ANAPC1: variants seen among roughly 807,000 people sequenced by gnomAD.
The protein encoded by ANAPC1 is anaphase-promoting complex subunit 1.
In ANAPC1, 36 loss-of-function variants were observed where a neutral mutation model predicts 208.0. That is an observed-to-expected ratio of 0.17 (90% confidence interval 0.13 to 0.23). The LOEUF is 0.23. Ranked by LOEUF, ANAPC1 falls within the 10% of genes least tolerant of loss-of-function variation. The probability of loss-of-function intolerance (pLI) is 1.00; values close to 1 mark genes in which losing one functional copy is unlikely to be tolerated. For missense variants in ANAPC1, 942 were observed against 2,011.6 expected (o/e 0.47, Z 10.17); for synonymous variants, 378 against 695.2 (o/e 0.54, Z 7.18).
intron 5 of ANAPC1, chr2:111,872,930 T>G: frequency 1.8e-6 from 1 of 548,546 alleles, no homozygotes; most frequent in South Asian, 2.4e-5. Flanking sequence ...AATGTGAAAT[T>G]CCTGCCACTG....
intron 18 of ANAPC1, among the ~76,000 whole-genome samples, chr2:111,836,452 G>A (rs909023878): frequency 3.3e-5 from 5 of 150,380 alleles, no homozygotes; most frequent in Admixed American, 1.3e-4. Context: ...ACCAGCCTGG[G>A]CAACATATTA....
chr2:111,789,032 G>T (rs1469185337), intron 38 of ANAPC1, among the ~76,000 whole-genome samples: 5 of 152,252 alleles, frequency 3.3e-5, no homozygotes, highest in Non-Finnish European at 7.3e-5. Flanking sequence ...CAGCTACTTG[G>T]AAGGCTGAGG....
intron 6 of ANAPC1, among the ~76,000 whole-genome samples, chr2:111,869,018 G>C (rs566521248): frequency 5.3e-5 from 8 of 152,162 alleles, no homozygotes; most frequent in African/African-American, 1.7e-4. Context: ...ATTCATAGGG[G>C]GCAAGATAAA....
chr2:111,783,683 T>A (rs1238489257), intron 42 of ANAPC1, among the ~76,000 whole-genome samples: 2 of 152,274 alleles, frequency 1.3e-5, no homozygotes, highest in Non-Finnish European at 2.9e-5. Flanking sequence ...AATAAATATT[T>A]AGGGTTGGAG....
At chr2:111,819,896 C>T (rs1314618266) in intron 26 of ANAPC1, among the ~76,000 whole-genome samples, 10 of 152,278 alleles carry the variant, frequency 6.6e-5, no homozygotes, top group East Asian at 3.9e-4. Flanking sequence ...GGAACACAAC[C>T]GCAACATTAA....
intron 1 of ANAPC1, among the ~76,000 whole-genome samples, chr2:111,882,894 G>C (rs565146987): frequency 2.0e-5 from 3 of 151,386 alleles, no homozygotes; most frequent in Non-Finnish European, 2.9e-5. Context: ...GGGGCAGGGC[G>C]TGGTGGCTCA....
chr2:111,855,851 CATT>C lies in ANAPC1; in HGVS notation c.1515+760_1515+762del, dbSNP rs567359321. ...GTACTGGGTAGATGAATATTCACTT[CATT>C]ATTATTATTCAAATTGTATGTATTT... On this transcript the variant is annotated intron_variant, in intron 13 of 47. Coordinates refer to ENST00000341068, the MANE Select transcript of ANAPC1 (RefSeq NM_022662.4). Among the ~76,000 whole-genome samples, 125 of 152,162 alleles carry C rather than the reference CATT, an allele frequency of 8.2e-4. 1 individual carries two copies. The highest frequency in any genetic ancestry group is 2.9e-3 in the African/African-American group (120 of 41,518).
intron 39 of ANAPC1, among the ~76,000 whole-genome samples, chr2:111,785,748 G>T: frequency 6.6e-6 from 1 of 152,106 alleles, no homozygotes; most frequent in Admixed American, 6.6e-5. Context: ...ATCATAACAT[G>T]AAAATATTTA....
At chr2:111,835,884 AC>A (rs1216707603) in intron 18 of ANAPC1, among the ~76,000 whole-genome samples, 4 of 152,128 alleles carry the variant, frequency 2.6e-5, no homozygotes, top group Non-Finnish European at 5.9e-5. Context: ...AAATTGGATA[AC>A]TAAAATAAAA....
At chr2:111,819,963 A>G (rs1209322778) in intron 26 of ANAPC1, among the ~76,000 whole-genome samples, 1 of 152,008 alleles carries the variant, frequency 6.6e-6, no homozygotes, top group Non-Finnish European at 1.5e-5. Context: ...GAATTTTTTT[A>G]GAGGAAATCT....
At chr2:111,854,224 T>C (rs1029970119) in intron 13 of ANAPC1, among the ~76,000 whole-genome samples, 1 of 152,162 alleles carries the variant, frequency 6.6e-6, no homozygotes, top group Non-Finnish European at 1.5e-5. Context: ...GCACTGTCAA[T>C]GAGCGGTAAT....
intron 38 of ANAPC1, among the ~76,000 whole-genome samples, chr2:111,790,075 G>C (rs1251699835): frequency 2.0e-5 from 3 of 152,286 alleles, no homozygotes; most frequent in African/African-American, 7.2e-5. Flanking sequence ...CCAATGGTAA[G>C]CTCAGTCTTA....
chr2:111,798,254 A>T (rs2104549048), intron 34 of ANAPC1, among the ~76,000 whole-genome samples: 1 of 152,040 alleles, frequency 6.6e-6, no homozygotes, highest in South Asian at 2.1e-4. Flanking sequence ...TGACAATCTG[A>T]TTCCAAGTAA....
rs144263623 is a variant in ANAPC1, at chr2:111,792,505, G to A, written c.4569C>T (p.Leu1523=). 101 of 1,613,956 alleles carry A rather than the reference G, an allele frequency of 6.3e-5. 1 individual carries two copies. In the African/African-American group the frequency reaches 7.6e-4, roughly 12 times the overall value. The change falls in exon 38 of 48, where the codon CTC becomes CTT. Residue 1523 remains leucine, a synonymous_variant. Transcript: ENST00000341068. ...TTCCTGAGCCAGCCATGACCATGGCGAGAGACAGCAGCACCACGCTCAGAC... is the reference window on the plus strand; with the variant it reads ...TTCCTGAGCCAGCCATGACCATGGCAAGAGACAGCAGCACCACGCTCAGAC... ...ETCLSVVLLS[L]AMVMAGSGNL...
In ANAPC1 at chr2:111,821,294, C is replaced by T. The variant is rs1330075728; in HGVS notation, c.3151G>A (p.Val1051Ile). 9 of 1,612,510 alleles carry T rather than the reference C, an allele frequency of 5.6e-6. No individual in the cohort carries two copies. Among genetic ancestry groups the T allele is most frequent in the Admixed American group, 1.7e-5 (1 of 59,982 alleles). Reference sequence around the variant, plus strand: ...TCACTGAGCTCTGGGTACTGCACTACGTTGACACGGACAGGATGCGCACTC... The same window carrying T: ...TCACTGAGCTCTGGGTACTGCACTATGTTGACACGGACAGGATGCGCACTC... ...LQSAHPVRVNVVQYPELSDHE... is the reference protein window; with the variant it reads ...LQSAHPVRVNIVQYPELSDHE... The change falls in exon 26 of 48, where the codon GTA (valine) becomes ATA (isoleucine). Residue 1051 changes from valine (V) to isoleucine (I), a missense_variant. By Grantham distance (29) the Val-to-Ile change is conservative (BLOSUM62 3). Transcript: ENST00000341068.
chr2:111,851,375 A>G (rs1681386424), intron 13 of ANAPC1, among the ~76,000 whole-genome samples: 1 of 151,612 alleles, frequency 6.6e-6, no homozygotes, highest in African/African-American at 2.4e-5. Flanking sequence ...ACCTTGGTAT[A>G]ATTTCTCTTG....
rs187258724 is a variant in ANAPC1 at position 111,883,035 on chromosome 2, C to T, written c.-25+907G>A. On this transcript the variant is annotated intron_variant, in intron 1 of 47. Transcript: ENST00000341068. Reference sequence around the variant, plus strand: ...ACAAAAATTAGCCAGACAGTGATGGCGGGCGCCTGTAATCCCAGCTACTTG... The same window carrying T: ...ACAAAAATTAGCCAGACAGTGATGGTGGGCGCCTGTAATCCCAGCTACTTG... Among the ~76,000 whole-genome samples the T allele has an allele frequency of 5.6e-3, 832 of 148,950 alleles. 10 individuals carry two copies. Among genetic ancestry groups the T allele is most frequent in the African/African-American group, 0.02 (801 of 40,568 alleles).
rs1682859491 is a variant in ANAPC1 at position 111,873,369 on chromosome 2, C to T, written c.467G>A (p.Ser156Asn). The change falls in exon 5 of 48, where the codon AGC (serine) becomes AAC (asparagine). Residue 156 changes from serine to asparagine, a missense_variant. Transcript: ENST00000341068. ...TATGCTATGCATGTTAATACATGAGCTTTGCAATATACATATGCATTTTTC... is the reference window on the plus strand; with the variant it reads ...TATGCTATGCATGTTAATACATGAGTTTTGCAATATACATATGCATTTTTC... ...EVEKCICILQSSCINMHSIEG... is the reference protein window; with the variant it reads ...EVEKCICILQNSCINMHSIEG... 1.2e-6 allele frequency: 2 copies of T among 1,609,220 alleles called. No homozygotes were observed. Among genetic ancestry groups the T allele is most frequent in the South Asian group, 1.1e-5 (1 of 90,620 alleles).
At chr2:111,828,448 TA>T (rs1267954615) in intron 21 of ANAPC1, among the ~76,000 whole-genome samples, 1 of 152,074 alleles carries the variant, frequency 6.6e-6, no homozygotes, top group Non-Finnish European at 1.5e-5. Flanking sequence ...AGGTATATAT[TA>T]AAAAGAACTG....
Sources: allele counts gnomAD v4.1 joint callset (sites outside exome capture counted in the v4.1 genomes callset), GRCh38; gene constraint gnomAD v4.1.1; transcripts MANE v1.5; gene names NCBI Gene and HGNC (gene_info 2026-07-23, HGNC 2026-07-21).